Variants in CAMKMT observed in about 807,000 individuals in gnomAD.
CAMKMT encodes CaM KMT.
A neutral mutation model predicts 48.0 loss-of-function variants in CAMKMT; 53 were observed. The observed-to-expected ratio is 1.10, with a 90% confidence interval of 0.89 to 1.39. The LOEUF (loss-of-function observed/expected upper bound fraction) is 1.39. Ranked by LOEUF, CAMKMT falls within the 40% of genes most tolerant of loss-of-function variation. The pLI, the probability that CAMKMT is intolerant of heterozygous loss-of-function variation, is 0.00. For missense variants in CAMKMT, 428 were observed against 402.7 expected (o/e 1.06, Z -0.54); for synonymous variants, 165 against 152.3 (o/e 1.08, Z -0.61).
At chr2:44,588,758 C>T (rs1452957424) in intron 3 of CAMKMT, among the ~76,000 whole-genome samples, 2 of 44,074 alleles carry the variant, frequency 4.5e-5, no homozygotes, top group African/African-American at 1.9e-4. Flanking sequence ...CGCCTCTGCC[C>T]GGCTGCCCCT....
chr2:44,742,076 A>G (rs1468345725), intron 7 of CAMKMT, among the ~76,000 whole-genome samples: 3 of 152,088 alleles, frequency 2.0e-5, no homozygotes, highest in Non-Finnish European at 4.4e-5. Context: ...TCATGGTTCA[A>G]GTCTTAGACT....
rs183009217 is a variant in CAMKMT at position 44,449,153 on chromosome 2, A to G, written c.376+58848A>G. ...TTATGTCTTAATAAACCTGTTAAAGACAAAACAAAACTTCAATCAGATCGT... is the reference window on the plus strand; with the variant it reads ...TTATGTCTTAATAAACCTGTTAAAGGCAAAACAAAACTTCAATCAGATCGT... On this transcript the variant is annotated intron_variant, in intron 3 of 10. Coordinates refer to ENST00000378494, the MANE Select transcript of CAMKMT (RefSeq NM_024766.5). Among the ~76,000 whole-genome samples the G allele has an allele frequency of 2.1e-3, 313 of 152,274 alleles. 1 individual carries two copies. The highest frequency in any genetic ancestry group is 0.014 in the Middle Eastern group (4 of 294).
chr2:44,418,090 G>C (rs1228940992), intron 3 of CAMKMT, among the ~76,000 whole-genome samples: 1 of 151,806 alleles, frequency 6.6e-6, no homozygotes, highest in East Asian at 1.9e-4. Context: ...TACTCTGGAG[G>C]CTGAGGCGGG....
intron 3 of CAMKMT, among the ~76,000 whole-genome samples, chr2:44,403,325 C>T (rs1682558273): frequency 6.6e-6 from 1 of 152,140 alleles, no homozygotes; most frequent in African/African-American, 2.4e-5. Context: ...CCTTCCTTAC[C>T]ACCACCCTCC....
At chr2:44,452,502 C>CTT (rs1667344811) in intron 3 of CAMKMT, among the ~76,000 whole-genome samples, 1 of 151,940 alleles carries the variant, frequency 6.6e-6, no homozygotes, top group African/African-American at 2.4e-5. Context: ...CACCTACCTC[C>CTT]TTTTTAAAGA....
chr2:44,666,908 A>G (rs143988656), intron 3 of CAMKMT, among the ~76,000 whole-genome samples: 2 of 152,268 alleles, frequency 1.3e-5, no homozygotes, highest in African/African-American at 2.4e-5. Flanking sequence ...ACGCCCAGCT[A>G]TGTTCTTAAT....
chr2:44,753,583 G>A (rs1320867472), intron 8 of CAMKMT, among the ~76,000 whole-genome samples: 10 of 152,180 alleles, frequency 6.6e-5, no homozygotes, highest in Admixed American at 6.5e-4. Context: ...CCTCAGTGCT[G>A]TTTCTAGTCA....
chr2:44,408,169 G>T (rs1682915171), intron 3 of CAMKMT, among the ~76,000 whole-genome samples: 1 of 151,706 alleles, frequency 6.6e-6, no homozygotes, highest in African/African-American at 2.4e-5. Flanking sequence ...GGGACTACAG[G>T]TGCACACCAC....
chr2:44,413,424 C>T (rs1423358066), intron 3 of CAMKMT, among the ~76,000 whole-genome samples: 2 of 151,900 alleles, frequency 1.3e-5, no homozygotes, highest in South Asian at 2.1e-4. Flanking sequence ...GAGGCCAAGG[C>T]GGGTGGATCA....
rs138504868 is a variant in CAMKMT at position 44,373,707 on chromosome 2, G to C, written c.311+819G>C. Among the ~76,000 whole-genome samples, 2 of 152,084 alleles carry C rather than the reference G, an allele frequency of 1.3e-5. 1 individual carries two copies. The highest frequency in any genetic ancestry group is 2.9e-5 in the Non-Finnish European group (2 of 68,020). ...TATCTTTTTATAGTATATGTTTCTC[G>C]AGCTATTTTAGTTTAGAATATCTAA... On this transcript the variant is annotated intron_variant, in intron 2 of 10. Coordinates refer to ENST00000378494, the MANE Select transcript of CAMKMT (RefSeq NM_024766.5).
At chr2:44,770,169 C>G (rs1681043465) in intron 10 of CAMKMT, among the ~76,000 whole-genome samples, 1 of 152,150 alleles carries the variant, frequency 6.6e-6, no homozygotes, top group Non-Finnish European at 1.5e-5. Flanking sequence ...CATAACATTC[C>G]CCCATCGAAG....
At chr2:44,741,434 G>A (rs1679670019) in intron 7 of CAMKMT, among the ~76,000 whole-genome samples, 2 of 152,224 alleles carry the variant, frequency 1.3e-5, no homozygotes, top group Non-Finnish European at 2.9e-5. Context: ...GGTACTGTAT[G>A]AATGGTGCTC....
At chr2:44,612,283 A>C (rs1671643627) in intron 3 of CAMKMT, among the ~76,000 whole-genome samples, 1 of 152,188 alleles carries the variant, frequency 6.6e-6, no homozygotes, top group African/African-American at 2.4e-5. Flanking sequence ...TTGCTGTCTT[A>C]AAGGGGAGTA....
chr2:44,494,471 C>T (rs1250445640), intron 3 of CAMKMT, among the ~76,000 whole-genome samples: 1 of 152,064 alleles, frequency 6.6e-6, no homozygotes, highest in Non-Finnish European at 1.5e-5. Context: ...AGAATTTGAT[C>T]CAAATTTTAA....
At chr2:44,667,219 A>C (rs1675040484) in intron 3 of CAMKMT, among the ~76,000 whole-genome samples, 1 of 152,198 alleles carries the variant, frequency 6.6e-6, no homozygotes, top group Admixed American at 6.5e-5. Flanking sequence ...TTCTAGCTAA[A>C]GTCTCCTGAC....
intron 8 of CAMKMT, among the ~76,000 whole-genome samples, chr2:44,749,974 G>C (rs1680086173): frequency 6.6e-6 from 1 of 152,184 alleles, no homozygotes; most frequent in African/African-American, 2.4e-5. Context: ...GCCCCTCATG[G>C]AGATGGCTGA....
chr2:44,423,068 C>T (rs1370997048), intron 3 of CAMKMT, among the ~76,000 whole-genome samples: 1 of 152,144 alleles, frequency 6.6e-6, no homozygotes, highest in Non-Finnish European at 1.5e-5. Flanking sequence ...TTTAGAATTC[C>T]TCAAGAGGAA....
rs544881125 is a variant in CAMKMT at position 44,438,474 on chromosome 2, A to G, written c.376+48169A>G. ...CATAATAATTATAATTACAAAAATA[A>G]TAAGAGTTAAAGAGTAGTCCTCAAC... On this transcript the variant is annotated intron_variant, in intron 3 of 10. Transcript: ENST00000378494. Among the ~76,000 whole-genome samples, 13 of 152,370 alleles carry G rather than the reference A, an allele frequency of 8.5e-5. No individual in the cohort carries two copies. The South Asian group carries it at 2.7e-3, about 32-fold the overall frequency.
chr2:44,735,403 T>C (rs1679302623), intron 7 of CAMKMT, among the ~76,000 whole-genome samples: 1 of 152,226 alleles, frequency 6.6e-6, no homozygotes, highest in Non-Finnish European at 1.5e-5. Context: ...GTTTTGTGTT[T>C]CATCTATTCT....
Sources: gnomAD v4.1 joint callset for allele counts (sites outside exome capture counted in the v4.1 genomes callset) on GRCh38, gnomAD v4.1.1 for gene constraint, MANE v1.5 for transcripts, NCBI Gene and HGNC (gene_info 2026-07-23, HGNC 2026-07-21) for gene names.